PLA2G4A: variants seen among roughly 807,000 people sequenced by gnomAD.
The protein encoded by PLA2G4A is cytosolic phospholipase A2.
A neutral mutation model predicts 81.9 loss-of-function variants in PLA2G4A; 40 were observed. The ratio of observed to expected loss-of-function variants is 0.49; its 90% CI spans 0.38 to 0.64. The LOEUF (loss-of-function observed/expected upper bound fraction) is 0.64. Among genes scored for constraint, PLA2G4A ranks in the 30% least tolerant of loss-of-function variants. The probability of loss-of-function intolerance (pLI) is 0.00; values close to 1 mark genes in which losing one functional copy is unlikely to be tolerated. For synonymous variants in PLA2G4A, 302 were observed against 296.9 expected, an observed-to-expected ratio of 1.02 and a Z score of -0.18; for missense variants, 715 against 905.1, an observed-to-expected ratio of 0.79 and a Z score of 2.69.
chr1:186,879,383 G>A (rs138559522), intron 3 of PLA2G4A, among the ~76,000 whole-genome samples: 80 of 152,086 alleles, frequency 5.3e-4, no homozygotes, highest in African/African-American at 1.8e-3. Context: ...TATGTGCTAT[G>A]TAGTTAGTAC....
At chr1:186,899,433 G>C (rs890935078) in intron 5 of PLA2G4A, among the ~76,000 whole-genome samples, 6 of 152,096 alleles carry the variant, frequency 3.9e-5, no homozygotes, top group African/African-American at 1.4e-4. Flanking sequence ...GAAAGGGTGT[G>C]GTTGAGGTGG....
At chr1:186,944,918 C>G (rs1330861156) in intron 10 of PLA2G4A, among the ~76,000 whole-genome samples, 1 of 151,994 alleles carries the variant, frequency 6.6e-6, no homozygotes, top group Non-Finnish European at 1.5e-5. Flanking sequence ...TGATTTCTCA[C>G]TAAATGAATT....
intron 1 of PLA2G4A, among the ~76,000 whole-genome samples, chr1:186,844,014 G>A (rs543760258): frequency 6.6e-6 from 1 of 152,276 alleles, no homozygotes; most frequent in East Asian, 1.9e-4. Context: ...AATCTTAAAA[G>A]GAACAGTATG....
chr1:186,855,782 G>A (rs999439919), intron 2 of PLA2G4A, among the ~76,000 whole-genome samples: 8 of 151,926 alleles, frequency 5.3e-5, no homozygotes, highest in African/African-American at 1.7e-4. Context: ...TTTTTGAATG[G>A]CAATGGTGAT....
chr1:186,930,973 C>A (rs1271107603), intron 7 of PLA2G4A, among the ~76,000 whole-genome samples: 1 of 152,022 alleles, frequency 6.6e-6, no homozygotes, highest in Non-Finnish European at 1.5e-5. Flanking sequence ...TAAACTCAAC[C>A]CCCTTTCAAG....
chr1:186,971,997 C>A (rs1657372900), intron 15 of PLA2G4A, among the ~76,000 whole-genome samples: 1 of 152,026 alleles, frequency 6.6e-6, no homozygotes, highest in Non-Finnish European at 1.5e-5. Flanking sequence ...GACTTTATTT[C>A]ACATTTGCAG....
At chr1:186,929,610 G>A (rs1413354507) in intron 7 of PLA2G4A, among the ~76,000 whole-genome samples, 1 of 152,112 alleles carries the variant, frequency 6.6e-6, no homozygotes, top group Admixed American at 6.5e-5. Context: ...ATTAGTTGGG[G>A]AAAAGCAGGG....
At chr1:186,886,527 C>A (rs1386242926) in intron 3 of PLA2G4A, among the ~76,000 whole-genome samples, 3 of 152,120 alleles carry the variant, frequency 2.0e-5, no homozygotes, top group African/African-American at 7.2e-5. Flanking sequence ...AAAGGAATGA[C>A]CACATCTGAG....
intron 15 of PLA2G4A, among the ~76,000 whole-genome samples, chr1:186,973,411 C>A (rs1657424274): frequency 6.6e-6 from 1 of 152,114 alleles, no homozygotes; most frequent in Non-Finnish European, 1.5e-5. Flanking sequence ...CCTACGTAAT[C>A]CAAGATGATC....
chr1:186,887,123 A>G (rs573113875), intron 3 of PLA2G4A, among the ~76,000 whole-genome samples: 3 of 152,276 alleles, frequency 2.0e-5, no homozygotes, highest in East Asian at 3.9e-4. Context: ...TCATTGAACC[A>G]TAGGTATTCA....
intron 1 of PLA2G4A, among the ~76,000 whole-genome samples, chr1:186,844,065 T>G (rs2102011602): frequency 6.6e-6 from 1 of 152,318 alleles, no homozygotes; most frequent in South Asian, 2.1e-4. Context: ...ACTGTGGGAC[T>G]TAGTGGCAAG....
chr1:186,940,740 C>T (rs1333191060), intron 10 of PLA2G4A, among the ~76,000 whole-genome samples: 2 of 152,132 alleles, frequency 1.3e-5, no homozygotes, highest in Non-Finnish European at 2.9e-5. Flanking sequence ...ATGTCAACAA[C>T]GTTACATTTT....
intron 2 of PLA2G4A, among the ~76,000 whole-genome samples, chr1:186,864,936 A>G (rs959872917): frequency 6.6e-6 from 1 of 151,140 alleles, no homozygotes; most frequent in Non-Finnish European, 1.5e-5. Flanking sequence ...CTACAAAAAC[A>G]AAAACAAAAA....
chr1:186,831,017 T>TTTCTTTCTTTCTTA, intron 1 of PLA2G4A, among the ~76,000 whole-genome samples: 1 of 146,832 alleles, frequency 6.8e-6, no homozygotes, highest in South Asian at 2.1e-4. Context: ...TTTCTTTCTT[T>TTTCTTTCTTTCTTA]CTTTTTCTTT....
intron 5 of PLA2G4A, among the ~76,000 whole-genome samples, chr1:186,895,999 A>G (rs1654319955): frequency 6.6e-6 from 1 of 151,304 alleles, no homozygotes; most frequent in Non-Finnish European, 1.5e-5. Context: ...ATAATATATA[A>G]TATAATGTAT....
At chr1:186,895,102 A>G in intron 5 of PLA2G4A, among the ~76,000 whole-genome samples, 1 of 152,124 alleles carries the variant, frequency 6.6e-6, no homozygotes, top group Non-Finnish European at 1.5e-5. Flanking sequence ...AGTCTCCATG[A>G]TAATTATCTA....
At chr1:186,835,989 C>T (rs1651763460) in intron 1 of PLA2G4A, among the ~76,000 whole-genome samples, 2 of 151,972 alleles carry the variant, frequency 1.3e-5, no homozygotes, top group Non-Finnish European at 2.9e-5. Context: ...TCCCTCTCAC[C>T]TTTATTACTT....
At chr1:186,830,986 CTTTCTT>C (rs1651556516) in intron 1 of PLA2G4A, among the ~76,000 whole-genome samples, 1 of 139,196 alleles carries the variant, frequency 7.2e-6, no homozygotes, top group Non-Finnish European at 1.6e-5. Flanking sequence ...TTCTTTCTTT[CTTTCTT>C]TCTTTCTTTC....
At chr1:186,897,360 T>C (rs1393122300) in intron 5 of PLA2G4A, among the ~76,000 whole-genome samples, 3 of 152,128 alleles carry the variant, frequency 2.0e-5, no homozygotes, top group Non-Finnish European at 4.4e-5. Flanking sequence ...CTCTCCAGAA[T>C]GTTTGAATTG....
Sources: allele counts gnomAD v4.1 joint callset (sites outside exome capture counted in the v4.1 genomes callset), GRCh38; gene constraint gnomAD v4.1.1; transcripts MANE v1.5; gene names NCBI Gene and HGNC (gene_info 2026-07-23, HGNC 2026-07-21).